The following DYNC2I1 variants were observed in gnomAD, a reference collection of about 807,000 sequenced individuals.
DYNC2I1 encodes cytoplasmic dynein 2 intermediate chain 1.
A neutral mutation model predicts 133.4 loss-of-function variants in DYNC2I1; 89 were observed. The ratio of observed to expected loss-of-function variants is 0.67; its 90% confidence interval spans 0.56 to 0.80. The LOEUF is 0.80. Among genes scored for constraint, DYNC2I1 ranks in the 30% least tolerant of loss-of-function variants. DYNC2I1 has a pLI of 0.00. For synonymous variants in DYNC2I1, 504 were observed against 484.3 expected, an observed-to-expected ratio of 1.04 and a Z score of -0.54; for missense variants, 1,291 against 1,314.5, an observed-to-expected ratio of 0.98 and a Z score of 0.28.
chr7:158,856,670 T>C lies in DYNC2I1; in HGVS notation c.-66T>C. Reference sequence around the variant, plus strand: ...CGAAGGGTGCGGGGCACAGGTGGCCTCTTCGGGGTGGACCGCGCCTGGCCG... The same window carrying C: ...CGAAGGGTGCGGGGCACAGGTGGCCCCTTCGGGGTGGACCGCGCCTGGCCG... On this transcript the variant is annotated 5_prime_UTR_variant, in exon 1 of 25. Transcript: ENST00000407559. The C allele has an allele frequency of 8.1e-7, 1 of 1,230,634 alleles. No individual in the cohort carries two copies. Among genetic ancestry groups the C allele is most frequent in the Non-Finnish European group, 1.0e-6 (1 of 986,054 alleles). 76.2% of individuals were successfully genotyped at this position (1,230,634 alleles called of 1,614,324 possible).
chr7:158,869,983 C>A, intron 2 of DYNC2I1, 75 bp downstream of exon 2: 2 of 1,302,886 alleles, frequency 1.5e-6, no homozygotes, highest in Non-Finnish European at 2.2e-6. Context: ...TTACCTGGTA[C>A]ACAACACTGT....
chr7:158,902,416 A>C lies in DYNC2I1; in HGVS notation c.1178A>C (p.Asp393Ala). 6.2e-7 allele frequency: 1 copy of C among 1,613,766 alleles called. No homozygotes were observed. Residue 393 changes from aspartate to alanine, a missense_variant, in exon 10 of 25, where the codon GAT (aspartate) becomes GCT (alanine). Transcript: ENST00000407559. ...TTTGAGGTTTGTGATGGTGATGATG[A>C]TGAAAGCAGTAATGAACCTGAGTCA... ...DDFEVCDGDDDESSNEPESRE... is the reference protein window; with the variant it reads ...DDFEVCDGDDAESSNEPESRE...
intron 11 of DYNC2I1, among the ~76,000 whole-genome samples, chr7:158,907,425 CAAG>C (rs1266221118): frequency 1.3e-5 from 2 of 151,922 alleles, no homozygotes; most frequent in African/African-American, 2.4e-5. Context: ...TTTTGAAAAA[CAAG>C]AAACTGATAA....
chr7:158,947,864 C>A (rs1851936864), downstream of DYNC2I1, among the ~76,000 whole-genome samples: 1 of 152,376 alleles, frequency 6.6e-6, no homozygotes, highest in African/African-American at 2.4e-5. Flanking sequence ...TGGGCGGCTT[C>A]TGCCCTGTGG....
chr7:158,929,992 C>T (rs756683201), intron 20 of DYNC2I1, among the ~76,000 whole-genome samples: 2 of 152,202 alleles, frequency 1.3e-5, no homozygotes, highest in Non-Finnish European at 2.9e-5. Context: ...CACTCTGCCT[C>T]CTGTGCATTC....
At chr7:158,937,199 A>G (rs1276478011) in intron 23 of DYNC2I1, among the ~76,000 whole-genome samples, 1 of 152,242 alleles carries the variant, frequency 6.6e-6, no homozygotes, top group African/African-American at 2.4e-5. Context: ...AGATTGAAAT[A>G]ATTTAAAAAA....
intron 4 of DYNC2I1, among the ~76,000 whole-genome samples, chr7:158,877,275 T>C (rs1298924234): frequency 6.6e-6 from 1 of 151,686 alleles, no homozygotes; most frequent in Non-Finnish European, 1.5e-5. Flanking sequence ...GTTGGTGCTC[T>C]CCAGGCACCT....
intron 14 of DYNC2I1, among the ~76,000 whole-genome samples, chr7:158,915,565 T>G (rs62476478): frequency 1.1e-4 from 16 of 150,150 alleles, no homozygotes; most frequent in African/African-American, 2.0e-4. Context: ...TAAGGATGAT[T>G]GTGAAACCTC....
chr7:158,931,931 T>C (rs1850259536), intron 21 of DYNC2I1, among the ~76,000 whole-genome samples: 1 of 152,158 alleles, frequency 6.6e-6, no homozygotes, highest in South Asian at 2.1e-4. Flanking sequence ...GGATGTTTCT[T>C]AAGGAGTTCC....
At chr7:158,890,853 C>T (rs543020356) in intron 7 of DYNC2I1, among the ~76,000 whole-genome samples, 9 of 152,192 alleles carry the variant, frequency 5.9e-5, no homozygotes, top group South Asian at 2.1e-4. Flanking sequence ...GTATTAGAGG[C>T]GTGAACCACT....
At chr7:158,855,706 T>C (rs1421896138), upstream of DYNC2I1, among the ~76,000 whole-genome samples, 2 of 152,196 alleles carry the variant, frequency 1.3e-5, no homozygotes, top group African/African-American at 4.8e-5. Flanking sequence ...ACACCTCTTT[T>C]ACTGCCTCAG....
chr7:158,878,106 T>C (rs1368077626), intron 4 of DYNC2I1, among the ~76,000 whole-genome samples: 61 of 106,762 alleles, frequency 5.7e-4, no homozygotes, highest in South Asian at 2.1e-3. Context: ...GTGCTGGGCA[T>C]CATGTGGGGA....
the DYNC2I1 span, among the ~76,000 whole-genome samples, chr7:158,846,461 A>G: frequency 6.6e-6 from 1 of 152,310 alleles, no homozygotes; most frequent in East Asian, 1.9e-4. Flanking sequence ...GACAAACCAT[A>G]AAGTTCAAGC....
intron 3 of DYNC2I1, among the ~76,000 whole-genome samples, chr7:158,873,984 C>T (rs1843111544): frequency 6.6e-6 from 1 of 152,050 alleles, no homozygotes; most frequent in Non-Finnish European, 1.5e-5. Context: ...GTCTTGAACT[C>T]CTGAGCTCAG....
chr7:158,864,118 T>G (rs844523), intron 1 of DYNC2I1, among the ~76,000 whole-genome samples: 39 of 79,834 alleles, frequency 4.9e-4, no homozygotes, highest in South Asian at 8.6e-4. Flanking sequence ...TAGCTCCGGG[T>G]GTGGGGGGGG....
chr7:158,891,385 C>G, intron 8 of DYNC2I1, 52 bp downstream of exon 8: 2 of 1,600,992 alleles, frequency 1.2e-6, no homozygotes, highest in Non-Finnish European at 8.6e-7. Context: ...AGCACAGACC[C>G]ACTCACATTT....
At position 158,895,236 on chromosome 7, in the gene DYNC2I1, C is replaced by G. The variant is rs117730667; in HGVS notation, c.1059+3903C>G. On this transcript the variant is annotated intron_variant, in intron 8 of 24. Transcript: ENST00000407559. ...AAGTCATCTCCATACCTAAAGTCAT[C>G]TAGATTTGTCCTGTGCTATTTCCTA... Among the ~76,000 whole-genome samples the G allele has an allele frequency of 9.8e-5, 15 of 152,288 alleles. 1 individual carries two copies. In the East Asian group the frequency reaches 2.9e-3, roughly 29 times the overall value.
intron 14 of DYNC2I1, among the ~76,000 whole-genome samples, chr7:158,914,795 C>T (rs562660048): frequency 5.1e-4 from 77 of 152,284 alleles, no homozygotes; most frequent in African/African-American, 1.7e-3. Flanking sequence ...GTCTGACCCC[C>T]CTGCCCACTC....
chr7:158,953,722 A>G (rs1025628456), intron 4 of DYNC2I1, among the ~76,000 whole-genome samples: 4 of 152,018 alleles, frequency 2.6e-5, no homozygotes, highest in South Asian at 2.1e-4. Flanking sequence ...GTGTGTGTAT[A>G]TATATGTTAC....
Sources: allele counts gnomAD v4.1 joint callset (sites outside exome capture counted in the v4.1 genomes callset), GRCh38; gene constraint gnomAD v4.1.1; transcripts MANE v1.5; gene names NCBI Gene and HGNC (gene_info 2026-07-23, HGNC 2026-07-21).